Variants in NIBAN1 observed in about 807,000 individuals in gnomAD.
NIBAN1 encodes the protein protein Niban 1.
In NIBAN1, 81 loss-of-function variants were observed where a neutral mutation model predicts 75.1. The observed-to-expected ratio is 1.08, with a 90% CI of 0.90 to 1.30. The LOEUF (loss-of-function observed/expected upper bound fraction) is 1.30. Among genes scored for constraint, NIBAN1 ranks in the 50% most tolerant of loss-of-function variants. The pLI is 0.00. For synonymous variants in NIBAN1, 436 were observed against 424.8 expected, an observed-to-expected ratio of 1.03 and a Z score of -0.32; for missense variants, 1,133 against 1,128.1, an observed-to-expected ratio of 1.00 and a Z score of -0.06.
At chr1:184,813,180 C>A (rs902076547) in intron 9 of NIBAN1, among the ~76,000 whole-genome samples, 2 of 152,146 alleles carry the variant, frequency 1.3e-5, no homozygotes, top group African/African-American at 4.8e-5. Flanking sequence ...AAAAATCTTA[C>A]AACTACTGTG....
chr1:184,819,682 C>A (rs1654641204), intron 8 of NIBAN1, among the ~76,000 whole-genome samples: 1 of 152,110 alleles, frequency 6.6e-6, no homozygotes, highest in Admixed American at 6.5e-5. Flanking sequence ...AGAAGGCTAG[C>A]CTTGTGGATT....
intron 1 of NIBAN1, among the ~76,000 whole-genome samples, chr1:184,966,735 G>C (rs545018300): frequency 7.0e-4 from 106 of 152,242 alleles, no homozygotes; most frequent in African/African-American, 2.5e-3. Flanking sequence ...TTGTGTGGCT[G>C]TCTGGGCCTA....
chr1:184,940,936 G>C (rs1386840890), intron 1 of NIBAN1, among the ~76,000 whole-genome samples: 2 of 152,182 alleles, frequency 1.3e-5, no homozygotes, highest in African/African-American at 4.8e-5. Flanking sequence ...CGGGTTAAGC[G>C]GGCAATGTGC....
chr1:184,905,868 C>A (rs1275973066), intron 1 of NIBAN1, among the ~76,000 whole-genome samples: 2 of 152,170 alleles, frequency 1.3e-5, no homozygotes, highest in Admixed American at 6.5e-5. Context: ...ACAATGCATT[C>A]TATCAACAAA....
At chr1:184,838,459 C>G (rs1453733734) in intron 5 of NIBAN1, among the ~76,000 whole-genome samples, 1 of 152,166 alleles carries the variant, frequency 6.6e-6, no homozygotes, top group African/African-American at 2.4e-5. Flanking sequence ...AGAGGGGAGA[C>G]ACATTTTGGC....
intron 5 of NIBAN1, among the ~76,000 whole-genome samples, chr1:184,884,189 T>C (rs1473398141): frequency 6.6e-6 from 1 of 150,456 alleles, no homozygotes; most frequent in Non-Finnish European, 1.5e-5. Flanking sequence ...TTCCCTCTTC[T>C]TCCCTGGGCA....
intron 1 of NIBAN1, among the ~76,000 whole-genome samples, chr1:184,945,998 T>TA (rs112599159): frequency 0.32 from 46,254 of 145,722 alleles, 7,231 homozygotes; most frequent in Middle Eastern, 0.39. Context: ...GCGCTGGGAT[T>TA]AAAAAAAAAA....
chr1:184,829,942 C>T (rs560049817), intron 6 of NIBAN1, among the ~76,000 whole-genome samples: 157 of 152,314 alleles, frequency 1.0e-3, no homozygotes, highest in African/African-American at 3.4e-3. Flanking sequence ...GGATCAGAAG[C>T]CATCATTGCC....
chr1:184,842,119 A>C (rs1468392094), intron 5 of NIBAN1, among the ~76,000 whole-genome samples: 6 of 152,208 alleles, frequency 3.9e-5, no homozygotes, highest in Non-Finnish European at 8.8e-5. Context: ...GTTCTTCTAA[A>C]TTTGAAATTT....
At chr1:184,955,129 T>C (rs1471479440) in intron 1 of NIBAN1, among the ~76,000 whole-genome samples, 1 of 152,176 alleles carries the variant, frequency 6.6e-6, no homozygotes, top group Admixed American at 6.5e-5. Flanking sequence ...TTGTATTAAA[T>C]AATATTAATT....
At chr1:184,892,169 C>T (rs1322916032) in intron 3 of NIBAN1, among the ~76,000 whole-genome samples, 1 of 152,186 alleles carries the variant, frequency 6.6e-6, no homozygotes, top group East Asian at 1.9e-4. Context: ...TAGTAGTAAT[C>T]ATACCAGCAA....
At position 184,808,115 on chromosome 1, in the gene NIBAN1, T is replaced by C. The variant is rs780320345; in HGVS notation, c.1294A>G (p.Ile432Val). ...DLKSRFRFPH[I>V]DLVVQRTQNY... is the part of the protein sequence containing the mutation. ...TGTGTCCTCTGAACCACCAGATCAA[T>C]GTGGGGGAATCTGAAGCGGCTCTTG... Residue 432 changes from isoleucine (I) to valine (V), a missense_variant, in exon 10 of 14, where the codon ATT (isoleucine) becomes GTT (valine). Transcript: ENST00000367511. 6.2e-7 allele frequency: 1 copy of C among 1,613,838 alleles called. No homozygotes were observed. Among genetic ancestry groups the C allele is most frequent in the Non-Finnish European group, 8.5e-7 (1 of 1,179,882 alleles).
At chr1:184,961,996 C>T (rs574313649) in intron 1 of NIBAN1, among the ~76,000 whole-genome samples, 39 of 152,290 alleles carry the variant, frequency 2.6e-4, no homozygotes, top group African/African-American at 9.4e-4. Flanking sequence ...TTAATTAATC[C>T]TATCTTCATA....
Position 184,795,712 on chromosome 1 carries a change from C to T in NIBAN1, c.2052G>A (p.Leu684=). The T allele has an allele frequency of 1.9e-6, 3 of 1,613,860 alleles. No individual in the cohort carries two copies. Among genetic ancestry groups the T allele is most frequent in the Non-Finnish European group, 2.5e-6 (3 of 1,179,834 alleles). Residue 684 remains leucine (L), a synonymous_variant, in exon 14 of 14, where the codon CTG becomes CTA. Transcript: ENST00000367511. ...AGLPGTCSSE[L]EFGGTLEDEE... is the part of the protein sequence containing the mutation. ...CATCCTCAAGGGTCCCTCCAAACTC[C>T]AGCTCTGATGAGCATGTGCCCGGGA...
chr1:184,864,345 C>T (rs987253476), intron 5 of NIBAN1, among the ~76,000 whole-genome samples: 6 of 149,478 alleles, frequency 4.0e-5, no homozygotes, highest in South Asian at 4.3e-4. Flanking sequence ...CAAACTATAA[C>T]GTACAAACCA....
chr1:184,938,768 A>T (rs1439192948), intron 1 of NIBAN1, among the ~76,000 whole-genome samples: 2 of 152,230 alleles, frequency 1.3e-5, no homozygotes, highest in Non-Finnish European at 2.9e-5. Flanking sequence ...GCCAAATATA[A>T]ATACAATTTT....
Position 184,881,035 on chromosome 1 carries a change from T to C in NIBAN1, c.601+3598A>G, listed in dbSNP as rs552975616. Among the ~76,000 whole-genome samples the C allele has an allele frequency of 3.9e-5, 6 of 152,238 alleles. No individual in the cohort carries two copies. The South Asian group carries it at 1.2e-3, about 32-fold the overall frequency. On this transcript the variant is annotated intron_variant, in intron 5 of 13. Transcript: ENST00000367511. ...TAATCTTGTGGGATTTTCTTATGCCTGCCCAATGAAGAGGTGCCAAAACTA... is the reference window on the plus strand; with the variant it reads ...TAATCTTGTGGGATTTTCTTATGCCCGCCCAATGAAGAGGTGCCAAAACTA...
At chr1:184,962,403 C>A (rs1200748665) in intron 1 of NIBAN1, among the ~76,000 whole-genome samples, 2 of 151,962 alleles carry the variant, frequency 1.3e-5, no homozygotes, top group Non-Finnish European at 2.9e-5. Context: ...AACCATGATT[C>A]TCAGTGTGGA....
At chr1:184,911,509 G>T (rs903413668) in intron 1 of NIBAN1, among the ~76,000 whole-genome samples, 2 of 152,152 alleles carry the variant, frequency 1.3e-5, no homozygotes, top group African/African-American at 4.8e-5. Context: ...TCGCATTCAG[G>T]TGTTCCAATT....
Sources: allele counts gnomAD v4.1 joint callset (sites outside exome capture counted in the v4.1 genomes callset), GRCh38; gene constraint gnomAD v4.1.1; transcripts MANE v1.5; gene names NCBI Gene and HGNC (gene_info 2026-07-23, HGNC 2026-07-21).